The following COG6 variants were observed in gnomAD, a reference collection of about 807,000 sequenced individuals.
COG6 encodes the protein component of oligomeric golgi complex 6.
COG6 carries 74 observed loss-of-function variants against 88.8 expected under a neutral mutation model. That is an observed-to-expected ratio of 0.83 (90% CI 0.69 to 1.01). The LOEUF (loss-of-function observed/expected upper bound fraction) is 1.01, where lower values mean the gene tolerates loss of function less well. Among genes scored for constraint, COG6 ranks in the 50% least tolerant of loss-of-function variants. The pLI, the probability that COG6 is intolerant of heterozygous loss-of-function variation, is 0.00. For synonymous variants in COG6, 286 were observed against 278.7 expected (o/e 1.03, Z -0.26); for missense variants, 800 against 797.9 (o/e 1.00, Z -0.03).
At chr13:39,659,333 C>T (rs370792989) in intron 1 of COG6, 31 bp from the exon 2 acceptor site, 2 of 1,601,002 alleles carry the variant, frequency 1.2e-6, no homozygotes, top group Non-Finnish European at 8.6e-7. Context: ...AAATTAGTTC[C>T]AGTAACTGTC....
intron 1 of COG6, chr13:39,656,173 C>T (rs1240487961): frequency 5.3e-6 from 3 of 568,730 alleles, no homozygotes; most frequent in South Asian, 1.5e-5. Context: ...GAGAAGTGTC[C>T]TCCAAACACC....
intron 7 of COG6, among the ~76,000 whole-genome samples, chr13:39,681,068 A>G (rs975657659): frequency 6.6e-6 from 1 of 152,238 alleles, no homozygotes; most frequent in Admixed American, 6.5e-5. Context: ...AAATGTTTCA[A>G]TAGATTTTTT....
At chr13:39,676,203 C>T (rs936372519) in intron 4 of COG6, among the ~76,000 whole-genome samples, 1 of 151,998 alleles carries the variant, frequency 6.6e-6, no homozygotes, top group African/African-American at 2.4e-5. Context: ...TCCCCAACCT[C>T]TGATAACCAT....
chr13:39,672,708 T>C (rs1257861076), intron 4 of COG6, among the ~76,000 whole-genome samples: 1 of 152,078 alleles, frequency 6.6e-6, no homozygotes, highest in Non-Finnish European at 1.5e-5. Flanking sequence ...GCTGTAAATA[T>C]TTGTTTACAA....
intron 13 of COG6, among the ~76,000 whole-genome samples, chr13:39,714,120 G>GA (rs562161180): frequency 5.3e-5 from 8 of 151,820 alleles, no homozygotes; most frequent in Non-Finnish European, 1.2e-4. Flanking sequence ...TTTCAAGGGG[G>GA]AAAAAAATTT....
chr13:39,692,340 T>C (rs1410171263), intron 11 of COG6, among the ~76,000 whole-genome samples: 2 of 152,028 alleles, frequency 1.3e-5, no homozygotes, highest in Non-Finnish European at 2.9e-5. Flanking sequence ...TTTAGATTGC[T>C]GAGAGATTAC....
At chr13:39,717,464 T>C (rs1177438183) in intron 13 of COG6, among the ~76,000 whole-genome samples, 1 of 134,332 alleles carries the variant, frequency 7.4e-6, no homozygotes, top group Middle Eastern at 3.5e-3. Context: ...TGGTGTCTTA[T>C]CTCTGATGTT....
chr13:39,753,273 T>A (rs558034411), downstream of COG6, among the ~76,000 whole-genome samples: 16 of 152,274 alleles, frequency 1.1e-4, no homozygotes, highest in South Asian at 2.7e-3. Context: ...CATGTGACGT[T>A]ACAGTGAGAA....
chr13:39,661,119 C>T (rs537903936), intron 3 of COG6, among the ~76,000 whole-genome samples: 8 of 152,192 alleles, frequency 5.3e-5, no homozygotes, highest in African/African-American at 1.7e-4. Context: ...GAGCTAACTA[C>T]GTAGAATTTT....
rs138587189 is a variant in COG6 at position 39,709,782 on chromosome 13, A to C, written c.1285-9454A>C. On this transcript the variant is annotated intron_variant, in intron 13 of 18. Coordinates refer to ENST00000455146, the MANE Select transcript of COG6 (RefSeq NM_020751.3). ...CACACACACCACATTTTCTTTATCC[A>C]GTCATCTGTTGATGGGCACTTAGGT... Among the ~76,000 whole-genome samples the C allele has an allele frequency of 2.9e-4, 44 of 152,236 alleles. No homozygotes were observed. In the South Asian group the frequency reaches 5.4e-3, roughly 19 times the overall value.
downstream of COG6, among the ~76,000 whole-genome samples, chr13:39,757,309 C>G (rs1331220796): frequency 6.6e-6 from 1 of 152,080 alleles, no homozygotes; most frequent in Non-Finnish European, 1.5e-5. Context: ...CATACCAAAT[C>G]TTATGAAATG....
chr13:39,698,900 G>C (rs1877420511), intron 12 of COG6, among the ~76,000 whole-genome samples: 4 of 151,726 alleles, frequency 2.6e-5, no homozygotes, highest in Admixed American at 2.6e-4. Context: ...ATGGGTCTAA[G>C]AAATAGCCTT....
At chr13:39,718,119 GGT>G (rs2138072554) in intron 13 of COG6, among the ~76,000 whole-genome samples, 1 of 152,086 alleles carries the variant, frequency 6.6e-6, no homozygotes, top group African/African-American at 2.4e-5. Flanking sequence ...TTTCTGTTGA[GGT>G]GTTTTTCTGT....
At chr13:39,662,817 A>G (rs996697138) in intron 3 of COG6, among the ~76,000 whole-genome samples, 1 of 152,164 alleles carries the variant, frequency 6.6e-6, no homozygotes, top group African/African-American at 2.4e-5. Flanking sequence ...ATTTGGATAT[A>G]GCACTATTGG....
intron 17 of COG6, among the ~76,000 whole-genome samples, chr13:39,726,548 G>T (rs73179562): frequency 2.0e-5 from 3 of 151,746 alleles, no homozygotes; most frequent in African/African-American, 7.3e-5. Flanking sequence ...GCTGCAGTAG[G>T]TACCTAAGGT....
chr13:39,734,523 G>A (rs1237990448), intron 18 of COG6, among the ~76,000 whole-genome samples: 1 of 152,024 alleles, frequency 6.6e-6, no homozygotes, highest in Non-Finnish European at 1.5e-5. Context: ...CCTAACATAT[G>A]GTCTGTCCTT....
intron 18 of COG6, among the ~76,000 whole-genome samples, chr13:39,783,407 C>T (rs1157811358): frequency 1.3e-5 from 2 of 152,036 alleles, no homozygotes; most frequent in African/African-American, 4.8e-5. Context: ...TACCAGATGA[C>T]TAATATTTGT....
chr13:39,661,295 T>C (rs1025200937), intron 3 of COG6, among the ~76,000 whole-genome samples: 43 of 152,198 alleles, frequency 2.8e-4, no homozygotes, highest in African/African-American at 8.7e-4. Flanking sequence ...TGTATACTTT[T>C]AGGTCTTTTA....
intron 18 of COG6, among the ~76,000 whole-genome samples, 164 bp from the exon 19 acceptor site, chr13:39,750,782 C>G (rs553700876): frequency 5.3e-5 from 8 of 151,960 alleles, no homozygotes; most frequent in African/African-American, 1.4e-4. Flanking sequence ...TATTTTATCC[C>G]AAAATTAGGA....
Sources: gnomAD v4.1 joint callset for allele counts (sites outside exome capture counted in the v4.1 genomes callset) on GRCh38, gnomAD v4.1.1 for gene constraint, MANE v1.5 for transcripts, NCBI Gene and HGNC (gene_info 2026-07-23, HGNC 2026-07-21) for gene names.